The following MOCOS variants were observed in gnomAD, a reference collection of about 807,000 sequenced individuals.
MOCOS encodes the protein human molybdenum cofactor sulfurase.
In MOCOS, 86 loss-of-function variants were observed where a neutral mutation model predicts 83.6. The ratio of observed to expected loss-of-function variants is 1.03; its 90% confidence interval spans 0.86 to 1.23. The LOEUF (loss-of-function observed/expected upper bound fraction) is 1.23, where lower values mean the gene tolerates loss of function less well. Among genes scored for constraint, MOCOS ranks in the 50% most tolerant of loss-of-function variants. The pLI is 0.00. For missense variants in MOCOS, 1,120 were observed against 1,126.9 expected, an observed-to-expected ratio of 0.99 and a Z score of 0.09; for synonymous variants, 445 against 434.7, an observed-to-expected ratio of 1.02 and a Z score of -0.29.
chr18:36,193,640 G>A (rs1346091567), intron 1 of MOCOS, among the ~76,000 whole-genome samples: 2 of 152,146 alleles, frequency 1.3e-5, no homozygotes, highest in Non-Finnish European at 2.9e-5. Context: ...TATTCTTAGA[G>A]TAATATATAA....
chr18:36,233,279 T>A (rs951293952), intron 9 of MOCOS, among the ~76,000 whole-genome samples: 1 of 152,202 alleles, frequency 6.6e-6, no homozygotes, highest in Non-Finnish European at 1.5e-5. Flanking sequence ...ACAATGTTTG[T>A]TTTCCATTCC....
intron 9 of MOCOS, among the ~76,000 whole-genome samples, chr18:36,229,690 T>C (rs2091530739): frequency 6.6e-6 from 1 of 152,108 alleles, no homozygotes; most frequent in African/African-American, 2.4e-5. Context: ...TTCACTGTTT[T>C]AAATTTTTAC....
intron 7 of MOCOS, among the ~76,000 whole-genome samples, chr18:36,213,973 G>A (rs937162351): frequency 6.6e-6 from 1 of 151,154 alleles, no homozygotes; most frequent in African/African-American, 2.4e-5. Context: ...CGGGCACGGT[G>A]GCTCATGCCT....
intron 9 of MOCOS, among the ~76,000 whole-genome samples, chr18:36,224,498 G>A (rs2091508177): frequency 6.6e-6 from 1 of 152,130 alleles, no homozygotes; most frequent in Non-Finnish European, 1.5e-5. Flanking sequence ...TTATGAGAGG[G>A]TGCTGAATTT....
chr18:36,227,671 T>C lies in MOCOS; in HGVS notation c.1960+7454T>C, dbSNP rs377670988. ...TCGGCCTCCCAAAGTATGGGGATTA[T>C]AGGTGTGAGCCACTGTGCCTGGCCC... On this transcript the variant is annotated intron_variant, in intron 9 of 14. Coordinates refer to ENST00000261326, the MANE Select transcript of MOCOS (RefSeq NM_017947.4). 4.2e-4 allele frequency among the ~76,000 whole-genome samples: 64 copies of C among 152,264 alleles called. 1 individual carries two copies. Among genetic ancestry groups the C allele is most frequent in the African/African-American group, 1.5e-3 (61 of 41,560 alleles).
rs2091692524 is a variant in MOCOS, at chr18:36,269,479, G to A, written c.*794G>A. The A allele has an allele frequency of 6.6e-6, 1 of 152,312 alleles. No homozygotes were observed. Among genetic ancestry groups the A allele is most frequent in the East Asian group, 1.9e-4 (1 of 5,198 alleles). The allele number at this position is 152,312 out of a possible 1,614,324, so 9.4% of individuals were successfully genotyped here. ...AGGAACTTTGGCATTCAGGAATCCTGTCTGTATCATCTTTGACCACTGCTC... is the reference window on the plus strand; with the variant it reads ...AGGAACTTTGGCATTCAGGAATCCTATCTGTATCATCTTTGACCACTGCTC... On this transcript the variant is annotated 3_prime_UTR_variant, in exon 15 of 15. Coordinates refer to ENST00000261326, the MANE Select transcript of MOCOS (RefSeq NM_017947.4).
rs1028938281 is a variant in MOCOS at position 36,270,626 on chromosome 18, T to C, written c.*1941T>C. On this transcript the variant is annotated 3_prime_UTR_variant, in exon 15 of 15. Transcript: ENST00000261326. ...TACTTGGGAGGCTGAGGCAGGGGAA[T>C]CGCTTGAACCCGGGAGGCGGAGGTT... is the stretch of plus-strand genomic sequence containing the variant. 1.4e-4 allele frequency: 21 copies of C among 145,750 alleles called. No homozygotes were observed. The highest frequency in any genetic ancestry group is 5.4e-4 in the African/African-American group (21 of 38,812). 9.0% of individuals were successfully genotyped at this position (145,750 alleles called of 1,614,324 possible). A position where few individuals can be genotyped will look rare whatever the true frequency, so the allele number is the denominator to read the frequency against.
At chr18:36,238,453 A>C (rs376956678) in intron 9 of MOCOS, among the ~76,000 whole-genome samples, 52 of 149,044 alleles carry the variant, frequency 3.5e-4, no homozygotes, top group Non-Finnish European at 9.0e-5. Flanking sequence ...TTTGAGTGAG[A>C]TTCTTAATCC....
intron 9 of MOCOS, among the ~76,000 whole-genome samples, chr18:36,220,552 T>C (rs2091492428): frequency 6.6e-6 from 1 of 151,986 alleles, no homozygotes; most frequent in Non-Finnish European, 1.5e-5. Context: ...AGGGAAATAG[T>C]GTCTAGGAAA....
At chr18:36,240,616 G>T (rs1026686722) in intron 9 of MOCOS, among the ~76,000 whole-genome samples, 1 of 152,084 alleles carries the variant, frequency 6.6e-6, no homozygotes, top group Admixed American at 6.5e-5. Context: ...CCCAGAGGTG[G>T]AGCCTACAGA....
At chr18:36,234,287 G>T (rs1315671917) in intron 9 of MOCOS, among the ~76,000 whole-genome samples, 1 of 152,132 alleles carries the variant, frequency 6.6e-6, no homozygotes, top group Non-Finnish European at 1.5e-5. Context: ...GTTGAATAGG[G>T]TGTCCTTTCC....
At chr18:36,223,268 A>G (rs999021506) in intron 9 of MOCOS, among the ~76,000 whole-genome samples, 15 of 152,194 alleles carry the variant, frequency 9.9e-5, no homozygotes, top group Admixed American at 9.8e-4. Context: ...AAGTTTTTGT[A>G]TGATGTAAGA....
At position 36,195,344 on chromosome 18, in the gene MOCOS, A is replaced by G. The variant is rs1007130375; in HGVS notation, c.230A>G (p.Tyr77Cys). 6.2e-7 allele frequency: 1 copy of G among 1,613,526 alleles called. No homozygotes were observed. The highest frequency in any genetic ancestry group is 8.5e-7 in the Non-Finnish European group (1 of 1,179,448). The part of the protein sequence containing the change: ...SFTSDLMENT[Y>C]GNPHSQNISS... ...ACTAGTGATCTCATGGAAAACACTT[A>G]TGGTAAAGAAAAACACCTGAAACAG... The change falls in exon 2 of 15, where the codon TAT becomes TGT. Residue 77 changes from tyrosine to cysteine, a missense_variant and splice_region_variant. Physicochemically the swap from Tyr to Cys is radical, Grantham distance 194. Coordinates refer to ENST00000261326, the MANE Select transcript of MOCOS (RefSeq NM_017947.4).
At chr18:36,230,186 G>A (rs1040114494) in intron 9 of MOCOS, among the ~76,000 whole-genome samples, 2 of 152,110 alleles carry the variant, frequency 1.3e-5, no homozygotes, top group African/African-American at 4.8e-5. Context: ...GGTTTCAAGC[G>A]ATTCTCATGC....
At chr18:36,239,337 C>CA (rs1376925904) in intron 9 of MOCOS, among the ~76,000 whole-genome samples, 1 of 149,236 alleles carries the variant, frequency 6.7e-6, no homozygotes, top group Non-Finnish European at 1.5e-5. Flanking sequence ...CTGGTGGTGA[C>CA]AAAATCTCTC....
chr18:36,268,688 AAAATTT>A lies in MOCOS; in HGVS notation c.*4_*9del, dbSNP rs1271522971. 1.3e-6 allele frequency: 2 copies of A among 1,531,134 alleles called. No individual in the cohort carries two copies. Among genetic ancestry groups the A allele is most frequent in the Non-Finnish European group, 1.7e-6 (2 of 1,146,996 alleles). 94.8% of individuals were successfully genotyped at this position (1,531,134 alleles called of 1,614,324 possible). A position where few individuals can be genotyped will look rare whatever the true frequency, so the allele number is the denominator to read the frequency against. On this transcript the variant is annotated 3_prime_UTR_variant, in exon 15 of 15. Coordinates refer to ENST00000261326, the MANE Select transcript of MOCOS (RefSeq NM_017947.4). ...AACACCAGGATGTTACCTCCTAAAA[AAAATTT>A]TTAGCATAAAGTTTCTCTTTTACAG...
intron 5 of MOCOS, among the ~76,000 whole-genome samples, chr18:36,204,592 A>C (rs1232283289): frequency 2.6e-5 from 4 of 152,202 alleles, no homozygotes; most frequent in Non-Finnish European, 5.9e-5. Context: ...AGTACTGAAG[A>C]CCTAAACATT....
rs1347326110 is a variant in MOCOS, at chr18:36,269,688, A to T, written c.*1003A>T. ...GGAGCAATGCAGAGTGAGTACATCC[A>T]CTCCACATTCATTCTGCTGGCGTCC... On this transcript the variant is annotated 3_prime_UTR_variant, in exon 15 of 15. Coordinates refer to ENST00000261326, the MANE Select transcript of MOCOS (RefSeq NM_017947.4). 6.6e-6 allele frequency: 1 copy of T among 151,770 alleles called. No homozygotes were observed. The highest frequency in any genetic ancestry group is 2.4e-5 in the African/African-American group (1 of 41,252). The allele number at this position is 151,770 out of a possible 1,614,324, so 9.4% of individuals were successfully genotyped here.
chr18:36,249,124 C>T (rs1459187131), intron 10 of MOCOS, 124 bp downstream of exon 10: 2 of 820,708 alleles, frequency 2.4e-6, no homozygotes, highest in African/African-American at 1.7e-5. Context: ...TCCATTTCTC[C>T]CTTGCATGCT....
Sources: allele counts gnomAD v4.1 joint callset (sites outside exome capture counted in the v4.1 genomes callset), GRCh38; gene constraint gnomAD v4.1.1; transcripts MANE v1.5; gene names NCBI Gene and HGNC (gene_info 2026-07-23, HGNC 2026-07-21).